SUGP2: variants seen among roughly 807,000 people sequenced by gnomAD.
SUGP2 encodes the protein SURP and G-patch domain-containing protein 2.
In SUGP2, 24 loss-of-function variants were observed where a neutral mutation model predicts 90.5. The ratio of observed to expected loss-of-function variants is 0.27; its 90% confidence interval spans 0.19 to 0.37. SUGP2 has a LOEUF of 0.37. Ranked by LOEUF, SUGP2 falls within the 10% of genes least tolerant of loss-of-function variation. SUGP2 has a pLI of 1.00. For missense variants in SUGP2, 1,233 were observed against 1,363.3 expected (o/e 0.90, Z 1.51); for synonymous variants, 473 against 513.4 (o/e 0.92, Z 1.06).
rs2058877655 is a variant in SUGP2 at position 19,025,291 on chromosome 19, T to C, written c.1057A>G (p.Thr353Ala). 1 of 1,613,186 alleles carries C rather than the reference T, an allele frequency of 6.2e-7. No homozygotes were observed. The highest frequency in any genetic ancestry group is 2.2e-5 in the East Asian group (1 of 44,882). The part of the protein sequence containing the change: ...DDIKFSQLFQ[T>A]LFELETETCA... ...GTTTCTGTTTCAAGTTCAAAGAGAG[T>C]CTGGAAAAGTTGGGAAAATTTAATA... Residue 353 changes from threonine (T) to alanine (A), a missense_variant, in exon 3 of 11, where the codon ACT becomes GCT. Around this residue, in one of 8 missense-constraint regions of SUGP2, gnomAD observed 55 missense variants for 82.0 expected, o/e 0.67. Transcript: ENST00000452918.
Position 19,004,096 on chromosome 19 carries a change from C to T in SUGP2, c.2929+72G>A, listed in dbSNP as rs116113153. On this transcript the variant is annotated intron_variant, in intron 7 of 10. Coordinates refer to ENST00000452918, the MANE Select transcript of SUGP2 (RefSeq NM_001017392.5). ...TTTGGATTAAAATGTCTCCACCTGT[C>T]TCTTCTAACTCTCACAGCCCACCAA... 2.1e-3 allele frequency: 2,548 copies of T among 1,189,626 alleles called. 51 individuals carry two copies. In the African/African-American group the frequency reaches 0.036, roughly 17 times the overall value. The allele number at this position is 1,189,626 out of a possible 1,614,324, so 73.7% of individuals were successfully genotyped here.
chr19:19,004,325 A>C lies in SUGP2; in HGVS notation c.2772T>G (p.Leu924=). 1 of 1,613,466 alleles carries C rather than the reference A, an allele frequency of 6.2e-7. No homozygotes were observed. The part of the protein sequence containing the change: ...KSEGSTPADG[L]PGEAAEDDLA... ...GGTCGTCCTCGGCAGCCTCGCCGGG[A>C]AGGCCGTCGGCAGGGGTGCTGCCCT... The change falls in exon 7 of 11, where the codon CTT becomes CTG. Residue 924 remains leucine, a synonymous_variant. Coordinates refer to ENST00000452918, the MANE Select transcript of SUGP2 (RefSeq NM_001017392.5).
intron 2 of SUGP2, among the ~76,000 whole-genome samples, chr19:19,029,439 TTTTC>T (rs2059060150): frequency 7.1e-6 from 1 of 141,572 alleles, no homozygotes; most frequent in African/African-American, 2.6e-5. Context: ...CGGCCATTTT[TTTTC>T]TTTTTTTTTT....
intron 10 of SUGP2, chr19:18,994,131 A>G (rs2057474393): frequency 2.2e-6 from 1 of 458,570 alleles, no homozygotes; most frequent in South Asian, 3.0e-5. Context: ...CAGGCAGGCC[A>G]TGCGCATCTG....
chr19:19,022,838 G>A (rs1474856600), intron 3 of SUGP2, among the ~76,000 whole-genome samples: 1 of 152,196 alleles, frequency 6.6e-6, no homozygotes, highest in African/African-American at 2.4e-5. Flanking sequence ...CTTCCTGAGG[G>A]TGGTGAAAGA....
chr19:19,018,783 T>A (rs560630791), intron 4 of SUGP2, among the ~76,000 whole-genome samples: 3 of 151,458 alleles, frequency 2.0e-5, no homozygotes, highest in Non-Finnish European at 4.4e-5. Flanking sequence ...TGCAAACAAC[T>A]GCAATGATGT....
chr19:19,016,099 G>T (rs991003275), intron 4 of SUGP2, among the ~76,000 whole-genome samples: 3 of 152,122 alleles, frequency 2.0e-5, no homozygotes, highest in Non-Finnish European at 4.4e-5. Context: ...GTTGAGTTTG[G>T]TGATGCTCTT....
intron 1 of SUGP2, 143 bp from the exon 2 acceptor site, chr19:19,031,225 T>C (rs1411673620): frequency 2.5e-6 from 2 of 805,934 alleles, no homozygotes; most frequent in Admixed American, 5.3e-5. Flanking sequence ...CTAGGCAACA[T>C]GATGAAACTA....
chr19:19,012,886 C>T (rs551048262), intron 4 of SUGP2, among the ~76,000 whole-genome samples: 99 of 151,280 alleles, frequency 6.5e-4, no homozygotes, highest in Non-Finnish European at 1.3e-3. Context: ...TTTTTTGAGA[C>T]GGAGTCTCGC....
chr19:19,006,221 A>AAAT (rs2058073424), intron 6 of SUGP2, among the ~76,000 whole-genome samples: 1 of 150,680 alleles, frequency 6.6e-6, no homozygotes, highest in African/African-American at 2.4e-5. Context: ...TTCCGTCTCA[A>AAAT]AAATAAATAA....
chr19:19,002,691 T>G (rs1235132047), intron 7 of SUGP2, among the ~76,000 whole-genome samples: 4 of 151,898 alleles, frequency 2.6e-5, no homozygotes, highest in South Asian at 4.2e-4. Flanking sequence ...TTCTGTATTT[T>G]TAGTAGAGAT....
chr19:19,025,389 T>C lies in SUGP2; in HGVS notation c.959A>G (p.Asp320Gly), dbSNP rs1432698999. 1 of 1,614,134 alleles carries C rather than the reference T, an allele frequency of 6.2e-7. No individual in the cohort carries two copies. Among genetic ancestry groups the C allele is most frequent in the Admixed American group, 1.7e-5 (1 of 60,006 alleles). The change falls in exon 3 of 11, where the codon GAT (aspartate) becomes GGT (glycine). Residue 320 changes from aspartate to glycine, a missense_variant. Asp to Gly is a moderately conservative substitution (Grantham distance 94). Coordinates refer to ENST00000452918, the MANE Select transcript of SUGP2 (RefSeq NM_001017392.5). ...AAATCTTGAAAAAACATCAGACTTA[T>C]CTATGATGTCAAAGCTCATCTTTCT... The part of the protein sequence containing the change: ...PRRKMSFDII[D>G]KSDVFSRFGI...
At chr19:18,994,688 C>A (rs1234015881) in intron 9 of SUGP2, 2 of 673,232 alleles carry the variant, frequency 3.0e-6, no homozygotes, top group African/African-American at 3.6e-5. Flanking sequence ...GAGGGGGTGC[C>A]CAGAGGGCCC....
intron 4 of SUGP2, among the ~76,000 whole-genome samples, chr19:19,014,679 T>C (rs1256651589): frequency 6.6e-6 from 1 of 151,442 alleles, no homozygotes; most frequent in East Asian, 1.9e-4. Flanking sequence ...TGTACTCCTG[T>C]AGTCTCAGCT....
chr19:19,013,354 T>C (rs960261150), intron 4 of SUGP2, among the ~76,000 whole-genome samples: 7 of 152,234 alleles, frequency 4.6e-5, no homozygotes, highest in African/African-American at 1.7e-4. Context: ...CCTTTCTTTT[T>C]GGTAGCGTTC....
chr19:18,999,774 G>T (rs923200901), intron 8 of SUGP2, among the ~76,000 whole-genome samples: 1 of 152,192 alleles, frequency 6.6e-6, no homozygotes, highest in Non-Finnish European at 1.5e-5. Context: ...CTCTCCACAT[G>T]TGTCCCAGGT....
intron 10 of SUGP2, chr19:18,994,158 G>A: frequency 1.5e-6 from 1 of 645,340 alleles, no homozygotes; most frequent in East Asian, 3.1e-5. Flanking sequence ...GCCAGTGTGA[G>A]GTTTGCTCCT....
rs764887897 is a variant in SUGP2 at position 19,019,102 on chromosome 19, G to C, written c.1850+7C>G. 4 of 1,612,662 alleles carry C rather than the reference G, an allele frequency of 2.5e-6. No homozygotes were observed. Among genetic ancestry groups the C allele is most frequent in the Non-Finnish European group, 8.5e-7 (1 of 1,178,942 alleles). On this transcript the variant is annotated splice_region_variant and intron_variant, in intron 4 of 10. Transcript: ENST00000452918. Reference sequence around the variant, plus strand: ...GGGATTCACAGCGTGGACATTTAAAGACCTACCAGTAAGCAGGGTCCTCTT... The same window carrying C: ...GGGATTCACAGCGTGGACATTTAAACACCTACCAGTAAGCAGGGTCCTCTT...
chr19:19,007,694 G>C (rs2058134736), intron 6 of SUGP2, among the ~76,000 whole-genome samples: 1 of 149,428 alleles, frequency 6.7e-6, no homozygotes, highest in Admixed American at 6.7e-5. Flanking sequence ...CTGACCTCAT[G>C]ATCCACCCGC....
Sources: allele counts gnomAD v4.1 joint callset (sites outside exome capture counted in the v4.1 genomes callset), GRCh38; gene constraint gnomAD v4.1.1; regional missense constraint gnomAD v4.1.1; transcripts MANE v1.5; gene names NCBI Gene and HGNC (gene_info 2026-07-23, HGNC 2026-07-21).